PLXNA2: variants seen among roughly 807,000 people sequenced by gnomAD.
PLXNA2 encodes the protein plexin-A2.
A neutral mutation model predicts 193.5 loss-of-function variants in PLXNA2; 91 were observed. The observed-to-expected ratio is 0.47, with a 90% confidence interval of 0.40 to 0.56. PLXNA2 has a LOEUF of 0.56. PLXNA2 is among the 20% of genes least tolerant of loss of function. PLXNA2 has a pLI of 0.00. For synonymous variants in PLXNA2, 997 were observed against 1,027.3 expected, an observed-to-expected ratio of 0.97 and a Z score of 0.56; for missense variants, 1,995 against 2,503.2, an observed-to-expected ratio of 0.80 and a Z score of 4.33.
chr1:208,044,990 G>T lies in PLXNA2; in HGVS notation c.3639+77C>A. On this transcript the variant is annotated intron_variant, in intron 19 of 31. Transcript: ENST00000367033. This position sits in a 1 kb window ranked among gnomAD's most constrained non-coding sequence, Gnocchi z 4.9. The stretch of plus-strand genomic sequence containing the variant: ...GGGTGAGTCAGGCAACGAGACAGAA[G>T]AGAGCCTTTCCTTAGGACAGATCAC... 6.4e-7 allele frequency: 1 copy of T among 1,553,708 alleles called. No homozygotes were observed. Among genetic ancestry groups the T allele is most frequent in the South Asian group, 1.1e-5 (1 of 87,968 alleles).
Position 208,128,353 on chromosome 1 carries a change from GAGGC to G in PLXNA2, c.1506+13972_1506+13975del, listed in dbSNP as rs537350562. On this transcript the variant is annotated intron_variant, in intron 4 of 31. Transcript: ENST00000367033. ...GTAGTGAAAGAGGGAGATTACCTTG[GAGGC>G]AGGGAGAAAACACAGGGCTTAGCTA... Among the ~76,000 whole-genome samples, 458 of 152,292 alleles carry G rather than the reference GAGGC, an allele frequency of 3.0e-3. 4 individuals are homozygous for G. The highest frequency in any genetic ancestry group is 0.011 in the African/African-American group (438 of 41,556).
At chr1:208,174,220 G>A (rs1292361338) in intron 3 of PLXNA2, among the ~76,000 whole-genome samples, 2 of 152,230 alleles carry the variant, frequency 1.3e-5, no homozygotes, top group East Asian at 3.9e-4. Context: ...TCGGTGAGGG[G>A]CTTTGAGTAT....
At chr1:208,156,421 T>C (rs574975598) in intron 3 of PLXNA2, among the ~76,000 whole-genome samples, 1 of 152,112 alleles carries the variant, frequency 6.6e-6, no homozygotes, top group African/African-American at 2.4e-5. Flanking sequence ...CCAGGCATCT[T>C]ATGTAAATGA....
At chr1:208,230,010 T>C (rs1000532518) in intron 1 of PLXNA2, among the ~76,000 whole-genome samples, 12 of 152,186 alleles carry the variant, frequency 7.9e-5, no homozygotes, top group African/African-American at 2.7e-4. Context: ...ATTTAACCTT[T>C]TGGAGCCTCG....
Position 208,128,639 on chromosome 1 carries a change from CT to C in PLXNA2, c.1506+13689del, listed in dbSNP as rs573798788. Among the ~76,000 whole-genome samples, 232 of 151,484 alleles carry C rather than the reference CT, an allele frequency of 1.5e-3. 2 individuals are homozygous for C. The highest frequency in any genetic ancestry group is 0.014 in the Middle Eastern group (4 of 292). ...TTTCATAGATATTTTCCTTTGTTTC[CT>C]TTTTCCCCCTCCTCTCTTTCTTCCT... On this transcript the variant is annotated intron_variant, in intron 4 of 31. Transcript: ENST00000367033.
rs147652560 is a variant in PLXNA2, at chr1:208,060,719, G to T, written c.2705C>A (p.Thr902Lys). The T allele has an allele frequency of 1.2e-6, 2 of 1,613,852 alleles. No homozygotes were observed. Among genetic ancestry groups the T allele is most frequent in the South Asian group, 1.1e-5 (1 of 91,060 alleles). ...HHVQVAGVPC[T>K]PLPGEYIIAE... ...GATGATGTATTCCCCTGGGAGGGGCGTGCAGGGCACCCCAGCCACCTGCAC... is the reference window on the plus strand; with the variant it reads ...GATGATGTATTCCCCTGGGAGGGGCTTGCAGGGCACCCCAGCCACCTGCAC... The change falls in exon 13 of 32, where the codon ACG (threonine) becomes AAG (lysine). Residue 902 changes from threonine to lysine, a missense_variant. Physicochemically the swap from Thr to Lys is moderately conservative, Grantham distance 78 (BLOSUM62 -1). This residue lies in a region of PLXNA2 where 1,291 missense variants were observed against 1,673.6 expected (regional missense o/e 0.77). Coordinates refer to ENST00000367033, the MANE Select transcript of PLXNA2 (RefSeq NM_025179.4).
intron 3 of PLXNA2, among the ~76,000 whole-genome samples, chr1:208,198,551 T>C (rs1670433225): frequency 6.6e-6 from 1 of 152,124 alleles, no homozygotes; most frequent in Non-Finnish European, 1.5e-5. Context: ...CCCCGCGCAT[T>C]GTGACCCAGG....
intron 3 of PLXNA2, among the ~76,000 whole-genome samples, chr1:208,155,702 C>G (rs633000): frequency 6.6e-6 from 1 of 152,034 alleles, no homozygotes; most frequent in Non-Finnish European, 1.5e-5. Flanking sequence ...GCCCAACACC[C>G]GGCTGCACTG....
chr1:208,237,072 A>C (rs566970909), intron 1 of PLXNA2, among the ~76,000 whole-genome samples: 15 of 152,082 alleles, frequency 9.9e-5, no homozygotes, highest in African/African-American at 3.6e-4. Flanking sequence ...AGCATCCCTT[A>C]CCCTCTTTAT....
intron 3 of PLXNA2, 145 bp downstream of exon 3, chr1:208,210,135 C>G: frequency 1.2e-6 from 1 of 804,256 alleles, no homozygotes; most frequent in East Asian, 2.7e-5. Context: ...CAAAATTAAC[C>G]CCTTCTTACC....
intron 3 of PLXNA2, among the ~76,000 whole-genome samples, chr1:208,186,967 C>G (rs1212320742): frequency 1.3e-5 from 2 of 151,378 alleles, no homozygotes; most frequent in African/African-American, 4.9e-5. Context: ...ATGATCCACC[C>G]GCCTCGGCCT....
At chr1:208,090,206 C>T (rs932932769) in intron 9 of PLXNA2, among the ~76,000 whole-genome samples, 1 of 152,122 alleles carries the variant, frequency 6.6e-6, no homozygotes, top group Non-Finnish European at 1.5e-5. Context: ...GGGGCCATGC[C>T]AGGGACCAAT....
In PLXNA2 at chr1:208,095,647, C is replaced by G. The variant is rs548777994; in HGVS notation, c.1982+382G>C. ...TCGCTATCTCGGAGTCCCTCTTCAT[C>G]TGGTTGTGGGTGACATGTCCATACT... On this transcript the variant is annotated intron_variant, in intron 8 of 31. Transcript: ENST00000367033. 5.3e-5 allele frequency among the ~76,000 whole-genome samples: 8 copies of G among 152,284 alleles called. No individual in the cohort carries two copies. In the East Asian group the frequency reaches 1.2e-3, roughly 22 times the overall value.
intron 21 of PLXNA2, 129 bp from the exon 22 acceptor site, chr1:208,042,495 A>G: frequency 1.1e-6 from 1 of 876,994 alleles, no homozygotes; most frequent in Non-Finnish European, 1.8e-6. Flanking sequence ...CCTATAACCA[A>G]CCCCACCCCA....
At position 208,028,230 on chromosome 1, in the gene PLXNA2, G is replaced by A; in HGVS notation, c.5439-71C>T. 3 of 1,431,260 alleles carry A rather than the reference G, an allele frequency of 2.1e-6. No individual in the cohort carries two copies. The highest frequency in any genetic ancestry group is 1.4e-5 in the African/African-American group (1 of 70,034). 88.7% of individuals were successfully genotyped at this position (1,431,260 alleles called of 1,614,324 possible). A position where few individuals can be genotyped will look rare whatever the true frequency, so the allele number is the denominator to read the frequency against. ...TTTACCTATAGCTACCCCGGGCCCA[G>A]GTCCTTCGAGGGCACTGATGTACCC... is the stretch of plus-strand genomic sequence containing the variant. On this transcript the variant is annotated intron_variant, in intron 30 of 31. Coordinates refer to ENST00000367033, the MANE Select transcript of PLXNA2 (RefSeq NM_025179.4). The surrounding 1 kb of genome is among the most constrained non-coding windows in gnomAD (Gnocchi z 4.2).
rs1262385225 is a variant in PLXNA2, at chr1:208,155,391, GCTC to G, written c.1372-12931_1372-12929del. Among the ~76,000 whole-genome samples, 3 of 152,234 alleles carry G rather than the reference GCTC, an allele frequency of 2.0e-5. No individual in the cohort carries two copies. In the East Asian group the frequency reaches 5.8e-4, roughly 29 times the overall value. On this transcript the variant is annotated intron_variant, in intron 3 of 31. Transcript: ENST00000367033. Reference sequence around the variant, plus strand: ...GGGCAAACCTACCCACTGCTAATATGCTCCTTAAAAAGTGCTGAAAGGAGCTAT... The same window carrying G: ...GGGCAAACCTACCCACTGCTAATATGCTTAAAAAGTGCTGAAAGGAGCTAT...
At chr1:208,238,286 A>T (rs1222214121) in intron 1 of PLXNA2, among the ~76,000 whole-genome samples, 4 of 152,250 alleles carry the variant, frequency 2.6e-5, no homozygotes, top group African/African-American at 9.6e-5. Flanking sequence ...TTCCAAGGGC[A>T]ACTCTACTAC....
chr1:208,033,244 T>A (rs988573614), intron 28 of PLXNA2, 75 bp downstream of exon 28: 1 of 1,365,212 alleles, frequency 7.3e-7, no homozygotes, highest in Non-Finnish European at 1.0e-6. Context: ...ACTCCAGACA[T>A]CCTTTCTGTG....
chr1:208,158,265 GTC>G (rs1244662783), intron 3 of PLXNA2, among the ~76,000 whole-genome samples: 2 of 152,066 alleles, frequency 1.3e-5, no homozygotes, highest in African/African-American at 2.4e-5. Flanking sequence ...ACCCACCTGC[GTC>G]TCTCTTTCTC....
Sources: gnomAD v4.1 joint callset for allele counts (sites outside exome capture counted in the v4.1 genomes callset) on GRCh38, gnomAD v4.1.1 for gene constraint, gnomAD v4.1.1 regional missense constraint, Gnocchi (gnomAD v3.1) non-coding constraint, MANE v1.5 for transcripts, NCBI Gene and HGNC (gene_info 2026-07-23, HGNC 2026-07-21) for gene names.